SIDT2: variants seen among roughly 807,000 people sequenced by gnomAD.
SIDT2 encodes the protein SID1 transmembrane family member 2.
Under a neutral mutation model 114.4 loss-of-function variants are expected in SIDT2, and 68 were observed. The ratio of observed to expected loss-of-function variants is 0.59; its 90% CI spans 0.49 to 0.73. The LOEUF is 0.73. SIDT2 is among the 30% of genes least tolerant of loss of function. SIDT2 has a pLI of 0.00. For synonymous variants in SIDT2, 470 were observed against 438.4 expected, an observed-to-expected ratio of 1.07 and a Z score of -0.90; for missense variants, 918 against 1,097.1, an observed-to-expected ratio of 0.84 and a Z score of 2.31.
intron 10 of SIDT2, 100 bp downstream of exon 10, chr11:117,186,736 G>A (rs1483468812): frequency 8.4e-7 from 1 of 1,184,802 alleles, no homozygotes; most frequent in East Asian, 2.5e-5. Flanking sequence ...GAAGGGCTGG[G>A]GGTTTCTGGA....
Position 117,193,865 on chromosome 11 carries a change from G to A in SIDT2, c.2224G>A (p.Glu742Lys). 3.1e-6 allele frequency: 5 copies of A among 1,614,018 alleles called. No individual in the cohort carries two copies. The highest frequency in any genetic ancestry group is 4.2e-6 in the Non-Finnish European group (5 of 1,179,974). The change falls in exon 24 of 26, where the codon GAG (glutamate) becomes AAG (lysine). Residue 742 changes from glutamate to lysine, a missense_variant. Physicochemically the swap from Glu to Lys is moderately conservative, Grantham distance 56. Coordinates refer to ENST00000324225, the MANE Select transcript of SIDT2 (RefSeq NM_001040455.2). ...FYIIMKLRSG[E>K]RIKLIPLLCI... is the part of the protein sequence containing the mutation. ...TGGCCCCTCCCAGCTCCGGAGTGGG[G>A]AGAGGATCAAGCTCATCCCCCTGCT...
chr11:117,179,677 C>T (rs2030188160), intron 1 of SIDT2: 1 of 522,956 alleles, frequency 1.9e-6, no homozygotes, highest in African/African-American at 1.9e-5. Context: ...CCCATCTTCT[C>T]TTCCGCCCCC....
intron 8 of SIDT2, among the ~76,000 whole-genome samples, chr11:117,185,011 C>T (rs527322448): frequency 2.1e-4 from 32 of 151,798 alleles, no homozygotes; most frequent in African/African-American, 7.5e-4. Flanking sequence ...CAGGCATGAG[C>T]CACCGTGCCC....
rs903448740 is a variant in SIDT2, at chr11:117,196,491, C to CA, written c.*426dup. On this transcript the variant is annotated 3_prime_UTR_variant, in exon 26 of 26. Coordinates refer to ENST00000324225, the MANE Select transcript of SIDT2 (RefSeq NM_001040455.2). This position sits in a 1 kb window ranked among gnomAD's most constrained non-coding sequence, Gnocchi z 4.9. ...AGGCCTCTTTTTCCTCCCATACTCC[C>CA]ACTCCAGGGCCTAGTCTGGGGCCTG... 4.6e-6 allele frequency: 1 copy of CA among 219,258 alleles called. No individual in the cohort carries two copies. Among genetic ancestry groups the CA allele is most frequent in the African/African-American group, 2.3e-5 (1 of 43,798 alleles). 13.6% of individuals were successfully genotyped at this position (219,258 alleles called of 1,614,324 possible).
intron 18 of SIDT2, 162 bp from the exon 19 acceptor site, chr11:117,191,716 A>G: frequency 1.1e-6 from 1 of 906,622 alleles, no homozygotes; most frequent in Non-Finnish European, 1.7e-6. Context: ...TGGCAGGTAC[A>G]ACTAAGGAAC....
chr11:117,182,954 GAT>G, intron 6 of SIDT2, 148 bp downstream of exon 6: 1 of 836,550 alleles, frequency 1.2e-6, no homozygotes, highest in Non-Finnish European at 1.8e-6. Flanking sequence ...TGAGTCCCCT[GAT>G]ATATATGAGA....
intron 8 of SIDT2, 122 bp from the exon 9 acceptor site, chr11:117,186,008 C>T (rs2030481181): frequency 1.3e-6 from 1 of 761,738 alleles, no homozygotes; most frequent in East Asian, 2.6e-5. Flanking sequence ...CAGGGCCTTA[C>T]ATTTGAGGGG....
chr11:117,189,416 C>T lies in SIDT2; in HGVS notation c.1419+15C>T, dbSNP rs2030620102. The T allele has an allele frequency of 6.2e-7, 1 of 1,613,310 alleles. No homozygotes were observed. Among genetic ancestry groups the T allele is most frequent in the Admixed American group, 1.7e-5 (1 of 59,918 alleles). On this transcript the variant is annotated intron_variant, in intron 15 of 25. Coordinates refer to ENST00000324225, the MANE Select transcript of SIDT2 (RefSeq NM_001040455.2). Reference sequence around the variant, plus strand: ...CCTACCAGACGGTGAGAGGGCAGGGCAGGTTCACCTTTCCGACAGCCTAGG... The same window carrying T: ...CCTACCAGACGGTGAGAGGGCAGGGTAGGTTCACCTTTCCGACAGCCTAGG...
rs1443175964 is a variant in SIDT2 at position 117,189,402 on chromosome 11, G to T, written c.1419+1G>T. On this transcript the variant is annotated splice_donor_variant, in intron 15 of 25. Transcript: ENST00000324225. LOFTEE classifies it high-confidence loss of function. ...GCAGCTGGTGATCACCTACCAGACG[G>T]TGAGAGGGCAGGGCAGGTTCACCTT... 1 of 1,613,934 alleles carries T rather than the reference G, an allele frequency of 6.2e-7. No homozygotes were observed. Among genetic ancestry groups the T allele is most frequent in the Admixed American group, 1.7e-5 (1 of 59,994 alleles).
In SIDT2 at chr11:117,181,405, T is replaced by G; in HGVS notation, c.184-11T>G. On this transcript the variant is annotated splice_polypyrimidine_tract_variant and intron_variant, in intron 1 of 25. Transcript: ENST00000324225. The stretch of plus-strand genomic sequence containing the variant: ...CAGAGGCTTGAGAGGCATTTCCATG[T>G]CGTTCTGCAGACAGAGGGCGTGCGT... The G allele has an allele frequency of 6.2e-7, 1 of 1,613,202 alleles. No homozygotes were observed. Among genetic ancestry groups the G allele is most frequent in the Non-Finnish European group, 8.5e-7 (1 of 1,179,888 alleles).
At chr11:117,195,440 G>C (rs1294707994) in intron 24 of SIDT2, among the ~76,000 whole-genome samples, 1 of 152,200 alleles carries the variant, frequency 6.6e-6, no homozygotes, top group Admixed American at 6.5e-5. Context: ...AAAGATTAGA[G>C]CAAGGGCGGA....
intron 24 of SIDT2, among the ~76,000 whole-genome samples, chr11:117,194,319 T>A (rs920568066): frequency 6.6e-6 from 1 of 151,976 alleles, no homozygotes; most frequent in Non-Finnish European, 1.5e-5. Context: ...AAAAAAAAAT[T>A]TTAAACATCA....
Position 117,196,357 on chromosome 11 carries a change from G to C in SIDT2, c.*291G>C. 1 of 462,250 alleles carries C rather than the reference G, an allele frequency of 2.2e-6. No homozygotes were observed. The highest frequency in any genetic ancestry group is 3.9e-6 in the Non-Finnish European group (1 of 253,422). The allele number at this position is 462,250 out of a possible 1,614,324, so 28.6% of individuals were successfully genotyped here. On this transcript the variant is annotated 3_prime_UTR_variant, in exon 26 of 26. Coordinates refer to ENST00000324225, the MANE Select transcript of SIDT2 (RefSeq NM_001040455.2). The surrounding 1 kb of genome is among the most constrained non-coding windows in gnomAD (Gnocchi z 4.9). ...GCCTTCCATGGGCCCCTGTCCTTTG[G>C]CTCTCCATTTGTCCCTTTGCAAGAG...
At position 117,194,048 on chromosome 11, in the gene SIDT2, G is replaced by A. The variant is rs2030800828; in HGVS notation, c.2322+85G>A. 1.5e-5 allele frequency: 16 copies of A among 1,101,550 alleles called. No homozygotes were observed. The South Asian group carries it at 2.0e-4, about 14-fold the overall frequency. The allele number at this position is 1,101,550 out of a possible 1,614,324, so 68.2% of individuals were successfully genotyped here. On this transcript the variant is annotated intron_variant, in intron 24 of 25. Transcript: ENST00000324225. ...ATTGGGGCTGAGCCTGGGATTACCT[G>A]TAATCCCAGCACTTTGGGAAGCTGA...
At position 117,179,226 on chromosome 11, in the gene SIDT2, G is replaced by GCCGCCGCCGCCA. The variant is rs1555035648; in HGVS notation, c.-33_-32insGCCGCCACCGCC. On this transcript the variant is annotated 5_prime_UTR_variant, in exon 1 of 26. Coordinates refer to ENST00000324225, the MANE Select transcript of SIDT2 (RefSeq NM_001040455.2). ...TGTCCTGTCTCCTGTCGCCGCCGCC[G>GCCGCCGCCGCCA]CCGCCACCACCGCTGCCACTGCCGC... The GCCGCCGCCGCCA allele has an allele frequency of 2.5e-6, 4 of 1,591,166 alleles. No individual in the cohort carries two copies. The African/African-American group carries it at 5.4e-5, about 22-fold the overall frequency.
chr11:117,190,421 C>T lies in SIDT2; in HGVS notation c.1617+132C>T. On this transcript the variant is annotated intron_variant, in intron 17 of 25. Coordinates refer to ENST00000324225, the MANE Select transcript of SIDT2 (RefSeq NM_001040455.2). The surrounding 1 kb of genome is among the most constrained non-coding windows in gnomAD (Gnocchi z 4.1). Reference sequence around the variant, plus strand: ...CTCCCCTCCCCAGTTCTGTCTGGCCCACCCTATCCAGCCCAGCCTGCCCCA... The same window carrying T: ...CTCCCCTCCCCAGTTCTGTCTGGCCTACCCTATCCAGCCCAGCCTGCCCCA... 1 of 1,423,134 alleles carries T rather than the reference C, an allele frequency of 7.0e-7. No individual in the cohort carries two copies. The highest frequency in any genetic ancestry group is 9.3e-7 in the Non-Finnish European group (1 of 1,074,926). The allele number at this position is 1,423,134 out of a possible 1,614,324, so 88.2% of individuals were successfully genotyped here.
chr11:117,182,385 TCTC>T (rs1480322725), intron 4 of SIDT2, 131 bp from the exon 5 acceptor site: 5 of 796,356 alleles, frequency 6.3e-6, no homozygotes, highest in East Asian at 2.6e-5. Flanking sequence ...TCAAGGCCTG[TCTC>T]CTCGGAGAGC....
At chr11:117,184,263 C>T (rs888141879) in intron 8 of SIDT2, 124 bp downstream of exon 8, 24 of 921,196 alleles carry the variant, frequency 2.6e-5, no homozygotes, top group East Asian at 2.4e-4. Flanking sequence ...GGGGTAGGAA[C>T]GGGGAGTGTT....
chr11:117,191,573 G>A, intron 18 of SIDT2: 1 of 350,528 alleles, frequency 2.9e-6, no homozygotes, highest in East Asian at 6.1e-5. Context: ...GACAGAGTGA[G>A]ACTCCGTCTC....
Sources: gnomAD v4.1 joint callset for allele counts (sites outside exome capture counted in the v4.1 genomes callset) on GRCh38, gnomAD v4.1.1 for gene constraint, Gnocchi (gnomAD v3.1) non-coding constraint, MANE v1.5 for transcripts, NCBI Gene and HGNC (gene_info 2026-07-23, HGNC 2026-07-21) for gene names.